KCND2: variants seen among roughly 807,000 people sequenced by gnomAD.
KCND2 encodes A-type voltage-gated potassium channel KCND2.
In KCND2, 16 loss-of-function variants were observed where a neutral mutation model predicts 54.4. The ratio of observed to expected loss-of-function variants is 0.29; its 90% CI spans 0.20 to 0.45. The LOEUF (loss-of-function observed/expected upper bound fraction) is 0.45, where lower values mean the gene tolerates loss of function less well. KCND2 is among the 20% of genes least tolerant of loss of function. The pLI, the probability that KCND2 is intolerant of heterozygous loss-of-function variation, is 1.00. For missense variants in KCND2, 486 were observed against 824.2 expected (o/e 0.59, Z 5.02); for synonymous variants, 317 against 310.7 (o/e 1.02, Z -0.21).
At chr7:120,596,575 C>T (rs980822889) in intron 1 of KCND2, among the ~76,000 whole-genome samples, 10 of 152,190 alleles carry the variant, frequency 6.6e-5, no homozygotes, top group African/African-American at 2.4e-4. Flanking sequence ...AGATTTTGAA[C>T]TCAGTGTGTT....
chr7:120,279,724 T>A (rs1050492151), intron 1 of KCND2, among the ~76,000 whole-genome samples: 6 of 151,964 alleles, frequency 3.9e-5, no homozygotes, highest in Non-Finnish European at 1.5e-5. Flanking sequence ...AAGTTTTCAC[T>A]TAAATTTTCA....
intron 1 of KCND2, among the ~76,000 whole-genome samples, chr7:120,707,049 C>A (rs1472047221): frequency 1.3e-5 from 2 of 152,110 alleles, no homozygotes; most frequent in African/African-American, 4.8e-5. Flanking sequence ...CTGATCAATT[C>A]TATTTTATGA....
chr7:120,500,501 A>G (rs1802915686), intron 1 of KCND2, among the ~76,000 whole-genome samples: 1 of 152,122 alleles, frequency 6.6e-6, no homozygotes, highest in Non-Finnish European at 1.5e-5. Context: ...TGTAGTCACA[A>G]TTTTTAGAAA....
At chr7:120,394,928 AT>A (rs1256882131) in intron 1 of KCND2, among the ~76,000 whole-genome samples, 6 of 152,056 alleles carry the variant, frequency 3.9e-5, no homozygotes, top group African/African-American at 1.4e-4. Context: ...TTTTCTGGGA[AT>A]AAAACATACT....
chr7:120,282,842 A>G (rs1799286295), intron 1 of KCND2, among the ~76,000 whole-genome samples: 1 of 152,192 alleles, frequency 6.6e-6, no homozygotes, highest in African/African-American at 2.4e-5. Context: ...ATTCAACATA[A>G]TAGACCTTTG....
intron 1 of KCND2, among the ~76,000 whole-genome samples, chr7:120,371,951 G>A (rs989155184): frequency 5.3e-5 from 8 of 151,830 alleles, no homozygotes; most frequent in South Asian, 4.1e-4. Flanking sequence ...ACATATAACC[G>A]TGTATACCAC....
chr7:120,295,407 CACAA>C (rs1293535013), intron 1 of KCND2, among the ~76,000 whole-genome samples: 1 of 148,806 alleles, frequency 6.7e-6, no homozygotes, highest in Non-Finnish European at 1.5e-5. Context: ...CACACACACA[CACAA>C]ACACACCCAC....
At position 120,667,883 on chromosome 7, in the gene KCND2, T is replaced by C. The variant is rs187678362; in HGVS notation, c.1116-65020T>C. ...TTCCCTCACAAGAAACAAATATTCT[T>C]CTCAGGTGTGAGAAGGTAAAGACAA... is the stretch of plus-strand genomic sequence containing the variant. On this transcript the variant is annotated intron_variant, in intron 1 of 5. Coordinates refer to ENST00000331113, the MANE Select transcript of KCND2 (RefSeq NM_012281.3). 2.2e-3 allele frequency among the ~76,000 whole-genome samples: 328 copies of C among 152,078 alleles called. 3 individuals are homozygous for C. Among genetic ancestry groups the C allele is most frequent in the Non-Finnish European group, 4.2e-3 (286 of 67,924 alleles).
At chr7:120,695,401 A>G (rs1027616789) in intron 1 of KCND2, among the ~76,000 whole-genome samples, 1 of 152,166 alleles carries the variant, frequency 6.6e-6, no homozygotes, top group African/African-American at 2.4e-5. Context: ...TTAATATTTT[A>G]TATTTTCTCT....
At chr7:120,435,817 T>C (rs1176241122) in intron 1 of KCND2, among the ~76,000 whole-genome samples, 1 of 152,094 alleles carries the variant, frequency 6.6e-6, no homozygotes, top group Non-Finnish European at 1.5e-5. Flanking sequence ...GTATGTTTGT[T>C]TGTTTGAGTG....
At chr7:120,327,110 T>C (rs1319023350) in intron 1 of KCND2, among the ~76,000 whole-genome samples, 1 of 152,130 alleles carries the variant, frequency 6.6e-6, no homozygotes, top group African/African-American at 2.4e-5. Context: ...CTTACTATAT[T>C]ACTTAACTTT....
chr7:120,542,632 G>T (rs1791993219), intron 1 of KCND2, among the ~76,000 whole-genome samples: 1 of 151,928 alleles, frequency 6.6e-6, no homozygotes, highest in South Asian at 2.1e-4. Context: ...TATGAGATTT[G>T]TCCTCTCAGT....
chr7:120,379,787 A>G (rs1218862851), intron 1 of KCND2, among the ~76,000 whole-genome samples: 2 of 152,036 alleles, frequency 1.3e-5, no homozygotes, highest in Middle Eastern at 3.2e-3. Flanking sequence ...GCTGTGGCCA[A>G]CTGAAAGACT....
chr7:120,322,807 C>G (rs1276565903), intron 1 of KCND2, among the ~76,000 whole-genome samples: 1 of 151,898 alleles, frequency 6.6e-6, no homozygotes. Flanking sequence ...AACAGAAAAT[C>G]TGTCTGAATA....
intron 1 of KCND2, among the ~76,000 whole-genome samples, chr7:120,643,569 A>G (rs543480489): frequency 6.6e-6 from 1 of 152,104 alleles, no homozygotes; most frequent in African/African-American, 2.4e-5. Context: ...ATACAAATGA[A>G]TGACTTTGGG....
intron 1 of KCND2, among the ~76,000 whole-genome samples, chr7:120,466,948 A>G (rs1802379600): frequency 6.6e-6 from 1 of 152,154 alleles, no homozygotes; most frequent in Non-Finnish European, 1.5e-5. Flanking sequence ...CTCTGTGTCC[A>G]CCATTCCATC....
chr7:120,689,673 G>A (rs1288489806), intron 1 of KCND2, among the ~76,000 whole-genome samples: 2 of 152,140 alleles, frequency 1.3e-5, no homozygotes, highest in East Asian at 3.9e-4. Flanking sequence ...TACTTAGATA[G>A]CATGCTTGAA....
intron 1 of KCND2, among the ~76,000 whole-genome samples, chr7:120,569,081 A>T (rs976666692): frequency 6.6e-6 from 1 of 152,084 alleles, no homozygotes; most frequent in Non-Finnish European, 1.5e-5. Flanking sequence ...TATGATTTCA[A>T]ACTGATCTAG....
At chr7:120,522,649 C>T (rs973473478) in intron 1 of KCND2, among the ~76,000 whole-genome samples, 1 of 152,130 alleles carries the variant, frequency 6.6e-6, no homozygotes, top group African/African-American at 2.4e-5. Flanking sequence ...AATAACAATC[C>T]TGAGAATCAT....
Sources: gnomAD v4.1 joint callset for allele counts (sites outside exome capture counted in the v4.1 genomes callset) on GRCh38, gnomAD v4.1.1 for gene constraint, MANE v1.5 for transcripts, NCBI Gene and HGNC (gene_info 2026-07-23, HGNC 2026-07-21) for gene names.